WWOX: variants seen among roughly 807,000 people sequenced by gnomAD.
WWOX encodes the protein WW domain containing oxidoreductase.
WWOX carries 69 observed loss-of-function variants against 46.2 expected under a neutral mutation model. That is an observed-to-expected ratio of 1.49 (90% CI 1.23 to 1.82). The LOEUF (loss-of-function observed/expected upper bound fraction) is 1.82, where lower values mean the gene tolerates loss of function less well. Among genes scored for constraint, WWOX ranks in the 40% most tolerant of loss-of-function variants. WWOX has a pLI of 0.00. For missense variants in WWOX, 919 were observed against 542.6 expected, an observed-to-expected ratio of 1.69 and a Z score of -6.89; for synonymous variants, 359 against 202.6, an observed-to-expected ratio of 1.77 and a Z score of -6.56.
intron 5 of WWOX, among the ~76,000 whole-genome samples, chr16:78,322,297 G>C (rs1409929011): frequency 2.0e-5 from 3 of 152,068 alleles, no homozygotes; most frequent in Non-Finnish European, 2.9e-5. Context: ...CCAGCATTAA[G>C]GGGAAAAAAT....
intron 8 of WWOX, among the ~76,000 whole-genome samples, chr16:78,975,698 C>T (rs752713886): frequency 6.6e-5 from 10 of 152,064 alleles, no homozygotes; most frequent in Non-Finnish European, 8.8e-5. Flanking sequence ...GGGAATACAC[C>T]GCTCAGAGAA....
intron 8 of WWOX, among the ~76,000 whole-genome samples, chr16:78,682,377 G>A (rs2047749725): frequency 6.6e-6 from 1 of 152,164 alleles, no homozygotes; most frequent in Non-Finnish European, 1.5e-5. Flanking sequence ...CAGTGAGGAT[G>A]AATGTTTCTG....
intron 8 of WWOX, among the ~76,000 whole-genome samples, chr16:79,092,458 C>T (rs1009850689): frequency 6.6e-6 from 1 of 152,142 alleles, no homozygotes; most frequent in Admixed American, 6.5e-5. Flanking sequence ...CACCCTTGCT[C>T]ATCACCATCT....
At chr16:78,521,612 T>C (rs980429246) in intron 8 of WWOX, among the ~76,000 whole-genome samples, 2 of 152,234 alleles carry the variant, frequency 1.3e-5, no homozygotes, top group African/African-American at 4.8e-5. Flanking sequence ...TATATATAAA[T>C]TCTGAGTAAG....
intron 6 of WWOX, among the ~76,000 whole-genome samples, chr16:78,421,710 A>G (rs2082936304): frequency 6.6e-6 from 1 of 152,202 alleles, no homozygotes; most frequent in African/African-American, 2.4e-5. Context: ...GAAGCATTTT[A>G]TATAGAATGG....
At chr16:78,175,941 T>A (rs2035329882) in intron 5 of WWOX, among the ~76,000 whole-genome samples, 1 of 152,102 alleles carries the variant, frequency 6.6e-6, no homozygotes, top group Admixed American at 6.5e-5. Flanking sequence ...AATCCTAAGT[T>A]CCCGGGGTTG....
At chr16:78,504,268 A>G (rs1273257903) in intron 8 of WWOX, among the ~76,000 whole-genome samples, 1 of 152,240 alleles carries the variant, frequency 6.6e-6, no homozygotes, top group Non-Finnish European at 1.5e-5. Context: ...CTAGAGGGTA[A>G]AGTATCCCTG....
intron 8 of WWOX, among the ~76,000 whole-genome samples, chr16:79,064,963 A>G (rs1272155091): frequency 2.6e-5 from 4 of 152,154 alleles, no homozygotes; most frequent in Non-Finnish European, 5.9e-5. Context: ...GAGATGGAGC[A>G]TGGATGCCCC....
intron 8 of WWOX, among the ~76,000 whole-genome samples, chr16:78,753,104 G>A (rs971413441): frequency 6.6e-6 from 1 of 152,158 alleles, no homozygotes; most frequent in Non-Finnish European, 1.5e-5. Flanking sequence ...AGACCATCCT[G>A]GCTAACATGG....
At position 78,820,809 on chromosome 16, in the gene WWOX, A is replaced by G. The variant is rs373101024; in HGVS notation, c.1056+388057A>G. 3.3e-5 allele frequency among the ~76,000 whole-genome samples: 5 copies of G among 152,226 alleles called. No individual in the cohort carries two copies. In the East Asian group the frequency reaches 9.7e-4, roughly 29 times the overall value. ...GTGGGGTTCGTTCCTTCTGGAAGCT[A>G]TGAGGGAGAAACCATGCCATGCCTG... On this transcript the variant is annotated intron_variant, in intron 8 of 8. Coordinates refer to ENST00000566780, the MANE Select transcript of WWOX (RefSeq NM_016373.4).
chr16:78,593,436 C>T (rs1197128015), intron 8 of WWOX, among the ~76,000 whole-genome samples: 1 of 152,174 alleles, frequency 6.6e-6, no homozygotes, highest in African/African-American at 2.4e-5. Context: ...TTGCCATGCA[C>T]CTGTCTTCCT....
Position 78,681,124 on chromosome 16 carries a change from C to T in WWOX, c.1056+248372C>T, listed in dbSNP as rs143261091. 6.6e-5 allele frequency among the ~76,000 whole-genome samples: 10 copies of T among 152,314 alleles called. No individual in the cohort carries two copies. The East Asian group carries it at 1.9e-3, about 29-fold the overall frequency. On this transcript the variant is annotated intron_variant, in intron 8 of 8. Transcript: ENST00000566780. The stretch of plus-strand genomic sequence containing the variant: ...GATAGTTGAGCGTGGTGGCGCATGC[C>T]TGTAGTCCCAGCTACTTTGGAGGCT...
chr16:78,967,642 C>A (rs141644986), intron 8 of WWOX, among the ~76,000 whole-genome samples: 13 of 151,946 alleles, frequency 8.6e-5, no homozygotes, highest in African/African-American at 3.1e-4. Flanking sequence ...CAGGAAACAG[C>A]CAAGACTGGT....
intron 8 of WWOX, among the ~76,000 whole-genome samples, chr16:78,777,973 A>T (rs1597593762): frequency 7.0e-6 from 1 of 142,680 alleles, no homozygotes; most frequent in South Asian, 2.4e-4. Flanking sequence ...TGAACCCAGG[A>T]GGTGGAAGTT....
intron 5 of WWOX, among the ~76,000 whole-genome samples, chr16:78,296,780 G>A (rs1055388378): frequency 6.6e-6 from 1 of 152,070 alleles, no homozygotes; most frequent in Non-Finnish European, 1.5e-5. Flanking sequence ...GTAACATATG[G>A]CTTTGTTATT....
intron 8 of WWOX, among the ~76,000 whole-genome samples, chr16:78,774,057 G>A (rs1309391398): frequency 6.6e-6 from 1 of 152,142 alleles, no homozygotes; most frequent in Non-Finnish European, 1.5e-5. Context: ...CATGTTCCTT[G>A]AAGGAAGCCC....
chr16:79,186,501 C>G lies in WWOX; in HGVS notation c.1057-25107C>G, dbSNP rs1078728. 7.5e-3 allele frequency among the ~76,000 whole-genome samples: 1,139 copies of G among 152,338 alleles called. 11 individuals are homozygous for G. Among genetic ancestry groups the G allele is most frequent in the African/African-American group, 0.026 (1,093 of 41,572 alleles). On this transcript the variant is annotated intron_variant, in intron 8 of 8. Coordinates refer to ENST00000566780, the MANE Select transcript of WWOX (RefSeq NM_016373.4). ...TCTCTTCTCCTTTGTTATCAGGACA[C>G]TGGTCACATTGGATTAAGGGCCTAC...
chr16:79,103,649 A>G (rs1212697687), intron 8 of WWOX, among the ~76,000 whole-genome samples: 1 of 152,210 alleles, frequency 6.6e-6, no homozygotes, highest in East Asian at 1.9e-4. Flanking sequence ...ATCCAGTAAC[A>G]TTTAAAATGA....
intron 8 of WWOX, among the ~76,000 whole-genome samples, chr16:78,747,576 C>T (rs1302624931): frequency 6.6e-6 from 1 of 152,184 alleles, no homozygotes; most frequent in Non-Finnish European, 1.5e-5. Context: ...AGAGCCTTGG[C>T]AAGCTGAGTT....
Sources: allele counts gnomAD v4.1 joint callset (sites outside exome capture counted in the v4.1 genomes callset), GRCh38; gene constraint gnomAD v4.1.1; transcripts MANE v1.5; gene names NCBI Gene and HGNC (gene_info 2026-07-23, HGNC 2026-07-21).